KCNG3: variants seen among roughly 807,000 people sequenced by gnomAD.
KCNG3 encodes the protein potassium voltage-gated channel modifier subfamily G member 3, also known as voltage-gated potassium channel regulatory subunit KCNG3.
In KCNG3, 15 loss-of-function variants were observed where a neutral mutation model predicts 29.0. That is an observed-to-expected ratio of 0.52 (90% CI 0.35 to 0.80). KCNG3 has a LOEUF of 0.80. Among genes scored for constraint, KCNG3 ranks in the 30% least tolerant of loss-of-function variants. The pLI is 0.01. For missense variants in KCNG3, 512 were observed against 605.7 expected, an observed-to-expected ratio of 0.85 and a Z score of 1.62; for synonymous variants, 322 against 248.9, an observed-to-expected ratio of 1.29 and a Z score of -2.76.
At chr2:42,489,233 GTTC>G (rs1673811973) in intron 1 of KCNG3, among the ~76,000 whole-genome samples, 1 of 152,084 alleles carries the variant, frequency 6.6e-6, no homozygotes, top group African/African-American at 2.4e-5. Context: ...TACAAAAAAT[GTTC>G]TTAATTCACT....
In KCNG3 at chr2:42,483,625, G is replaced by T. The variant is rs180719272; in HGVS notation, c.665+9212C>A. Among the ~76,000 whole-genome samples, 5 of 152,140 alleles carry T rather than the reference G, an allele frequency of 3.3e-5. No homozygotes were observed. The East Asian group carries it at 5.8e-4, about 18-fold the overall frequency. ...CATAGGACTGTAATGAGACTTAGAC[G>T]ACAAAACACATGTCAGTATTCAATA... On this transcript the variant is annotated intron_variant, in intron 1 of 1. Transcript: ENST00000306078.
intron 1 of KCNG3, among the ~76,000 whole-genome samples, chr2:42,469,311 G>A (rs1467940128): frequency 3.3e-5 from 5 of 151,752 alleles, no homozygotes; most frequent in Non-Finnish European, 7.4e-5. Context: ...CAGCTACTCA[G>A]GAGGCCGAGG....
intron 1 of KCNG3, among the ~76,000 whole-genome samples, chr2:42,488,566 T>C (rs569371864): frequency 1.8e-4 from 28 of 151,748 alleles, no homozygotes; most frequent in Non-Finnish European, 3.8e-4. Flanking sequence ...TTTTTTTTTT[T>C]TGAGACTCAG....
chr2:42,406,192 G>C, the KCNG3 span, among the ~76,000 whole-genome samples: 2 of 151,728 alleles, frequency 1.3e-5, no homozygotes, highest in Non-Finnish European at 2.9e-5. Context: ...CCAGATATTT[G>C]GTACCTTTCC....
intron 1 of KCNG3, among the ~76,000 whole-genome samples, chr2:42,455,144 T>C (rs1227133317): frequency 6.6e-6 from 1 of 152,160 alleles, no homozygotes; most frequent in African/African-American, 2.4e-5. Flanking sequence ...TACAGAACTT[T>C]TTTATCTTTT....
chr2:42,395,117 C>T, the KCNG3 span, among the ~76,000 whole-genome samples: 3 of 152,180 alleles, frequency 2.0e-5, no homozygotes, highest in Non-Finnish European at 4.4e-5. Context: ...GTATTTACTC[C>T]TGCCCCCTCT....
chr2:42,402,675 T>A, the KCNG3 span, among the ~76,000 whole-genome samples: 9 of 152,228 alleles, frequency 5.9e-5, no homozygotes, highest in Non-Finnish European at 1.5e-5. Context: ...TTCCCACTGA[T>A]CTGACAGAGC....
chr2:42,391,482 C>T, the KCNG3 span, among the ~76,000 whole-genome samples: 380 of 152,084 alleles, frequency 2.5e-3, 1 homozygote, highest in Non-Finnish European at 4.5e-3. Flanking sequence ...GCAACAGAAA[C>T]AGACCAAATT....
chr2:42,451,665 G>A (rs1672757128), intron 1 of KCNG3, among the ~76,000 whole-genome samples: 1 of 152,156 alleles, frequency 6.6e-6, no homozygotes, highest in African/African-American at 2.4e-5. Context: ...GGTGGAGGTT[G>A]TAGTGAGCTG....
At chr2:42,408,974 G>A in the KCNG3 span, among the ~76,000 whole-genome samples, 2 of 152,124 alleles carry the variant, frequency 1.3e-5, no homozygotes, top group Non-Finnish European at 2.9e-5. Context: ...TCTGCTTGTG[G>A]TGGTACCTGG....
intron 1 of KCNG3, among the ~76,000 whole-genome samples, chr2:42,457,637 A>ACACACACT (rs1672911313): frequency 6.8e-6 from 1 of 147,758 alleles, no homozygotes; most frequent in African/African-American, 2.5e-5. Flanking sequence ...TCACACACAC[A>ACACACACT]CACACACACA....
chr2:42,470,032 T>C, intron 1 of KCNG3: 1 of 499,850 alleles, frequency 2.0e-6, no homozygotes, highest in South Asian at 2.6e-5. Context: ...TCTTAAGAAT[T>C]CTTAAGTCCA....
chr2:42,487,255 A>G (rs548486492), intron 1 of KCNG3, among the ~76,000 whole-genome samples: 1 of 151,872 alleles, frequency 6.6e-6, no homozygotes, highest in Non-Finnish European at 1.5e-5. Context: ...GTTTTAGGCA[A>G]TTGTAGTTGT....
chr2:42,454,950 A>G (rs1276477304), intron 1 of KCNG3, among the ~76,000 whole-genome samples: 2 of 152,136 alleles, frequency 1.3e-5, no homozygotes, highest in African/African-American at 4.8e-5. Context: ...TGAGATGAAA[A>G]AGCTCTGAAG....
chr2:42,468,782 G>C (rs549131577), intron 1 of KCNG3, among the ~76,000 whole-genome samples: 1 of 150,772 alleles, frequency 6.6e-6, no homozygotes, highest in African/African-American at 2.4e-5. Context: ...GTGAAACCCC[G>C]TCTCTACTAA....
the KCNG3 span, among the ~76,000 whole-genome samples, chr2:42,417,347 G>T: frequency 3.9e-5 from 6 of 152,124 alleles, no homozygotes; most frequent in Admixed American, 3.9e-4. Context: ...TGGAGACAGG[G>T]TCTCATTCTG....
Position 42,492,869 on chromosome 2 carries a change from C to G in KCNG3, c.633G>C (p.Arg211Ser), listed in dbSNP as rs370471067. 38 of 1,527,338 alleles carry G rather than the reference C, an allele frequency of 2.5e-5. No homozygotes were observed. Among genetic ancestry groups the G allele is most frequent in the Non-Finnish European group, 3.3e-5 (38 of 1,143,150 alleles). The allele number at this position is 1,527,338 out of a possible 1,614,324, so 94.6% of individuals were successfully genotyped here. A position where few individuals can be genotyped will look rare whatever the true frequency, so the allele number is the denominator to read the frequency against. The stretch of plus-strand genomic sequence containing the variant: ...GCTCCCTCCCAGGGCCGGCGGAGTA[C>G]CTGCTCCGGTCATCCAGGCTGCGGT... ...ADNRSLDDRS[R>S]YSAGPGREPS... Residue 211 changes from arginine to serine, a missense_variant, in exon 1 of 2, where the codon AGG becomes AGC. Around this residue, in one of 5 missense-constraint regions of KCNG3, gnomAD observed 228 missense variants for 200.0 expected, o/e 1.14. Transcript: ENST00000306078.
At chr2:42,397,952 G>A in the KCNG3 span, among the ~76,000 whole-genome samples, 5 of 152,230 alleles carry the variant, frequency 3.3e-5, no homozygotes, top group South Asian at 2.1e-4. Context: ...GGCTGGGCAC[G>A]GTGGCTCACG....
downstream of KCNG3, among the ~76,000 whole-genome samples, chr2:42,438,769 G>A (rs1324676506): frequency 6.6e-6 from 1 of 152,204 alleles, no homozygotes; most frequent in East Asian, 1.9e-4. Context: ...ATATAATCAT[G>A]CTTCTGGATG....
Sources: allele counts gnomAD v4.1 joint callset (sites outside exome capture counted in the v4.1 genomes callset), GRCh38; gene constraint gnomAD v4.1.1; regional missense constraint gnomAD v4.1.1; transcripts MANE v1.5; gene names NCBI Gene and HGNC (gene_info 2026-07-23, HGNC 2026-07-21).